The following WDPCP variants were observed in gnomAD, a reference collection of about 807,000 sequenced individuals.
WDPCP encodes WD repeat containing planar cell polarity effector, also known as WD repeat-containing and planar cell polarity effector protein fritz homolog.
In WDPCP, 71 loss-of-function variants were observed where a neutral mutation model predicts 93.1. The ratio of observed to expected loss-of-function variants is 0.76; its 90% CI spans 0.63 to 0.93. The LOEUF is 0.93. Among genes scored for constraint, WDPCP ranks in the 40% least tolerant of loss-of-function variants. WDPCP has a pLI of 0.00. For synonymous variants in WDPCP, 315 were observed against 315.0 expected (o/e 1.00, Z 0.00); for missense variants, 844 against 887.4 (o/e 0.95, Z 0.62).
chr2:63,459,289 A>AT (rs1485213694), intron 6 of WDPCP, among the ~76,000 whole-genome samples: 1 of 152,192 alleles, frequency 6.6e-6, no homozygotes, highest in African/African-American at 2.4e-5. Flanking sequence ...AACCTCTTGT[A>AT]TAGGAGAAAA....
intron 1 of WDPCP, among the ~76,000 whole-genome samples, chr2:63,520,896 CAA>C (rs3051721): frequency 0.22 from 22,443 of 100,052 alleles, 1,926 homozygotes; most frequent in Non-Finnish European, 0.26. Flanking sequence ...GACCCTATCT[CAA>C]AAAAAAAAAA....
rs750924240 is a variant in WDPCP at position 63,487,462 on chromosome 2, T to C, written c.193A>G (p.Lys65Glu). The C allele has an allele frequency of 5.6e-6, 9 of 1,593,062 alleles. No individual in the cohort carries two copies. The East Asian group carries it at 1.8e-4, about 32-fold the overall frequency. Reference sequence around the variant, plus strand: ...GGTACTTTACCTGGTGGATCTTTCTTGTCATAATACTGGTAGATCCCAATG... The same window carrying C: ...GGTACTTTACCTGGTGGATCTTTCTCGTCATAATACTGGTAGATCCCAATG... ...RDIGIYQYYD[K>E]KDPPATEHGN... The change falls in exon 3 of 18, where the codon AAG (lysine) becomes GAG (glutamate). Residue 65 changes from lysine (K) to glutamate (E), a missense_variant. Physicochemically the swap from Lys to Glu is moderately conservative, Grantham distance 56. Coordinates refer to ENST00000272321, the MANE Select transcript of WDPCP (RefSeq NM_015910.7).
intron 3 of WDPCP, among the ~76,000 whole-genome samples, chr2:63,612,991 A>C (rs1709630623): frequency 1.3e-5 from 2 of 149,428 alleles, no homozygotes; most frequent in Admixed American, 1.3e-4. Flanking sequence ...GCCTCAAGTG[A>C]CACCTTCCAG....
chr2:63,258,130 TA>T (rs1219544390), intron 14 of WDPCP, among the ~76,000 whole-genome samples: 1 of 152,174 alleles, frequency 6.6e-6, no homozygotes, highest in Non-Finnish European at 1.5e-5. Flanking sequence ...CAATAAATAT[TA>T]AGTGCTATTA....
intron 2 of WDPCP, among the ~76,000 whole-genome samples, chr2:63,769,421 T>C (rs1670192757): frequency 6.6e-6 from 1 of 151,746 alleles, no homozygotes; most frequent in African/African-American, 2.4e-5. Flanking sequence ...TTGTATGGAG[T>C]TAAAGTAGCA....
intron 2 of WDPCP, among the ~76,000 whole-genome samples, chr2:63,808,612 G>A (rs1356441051): frequency 2.6e-5 from 4 of 152,354 alleles, no homozygotes; most frequent in South Asian, 4.1e-4. Flanking sequence ...CCGAGGTGCC[G>A]GGATTGCAGA....
intron 14 of WDPCP, among the ~76,000 whole-genome samples, chr2:63,225,978 T>C (rs749132475): frequency 4.0e-5 from 6 of 151,860 alleles, no homozygotes; most frequent in Non-Finnish European, 8.8e-5. Context: ...TATGTGTGTG[T>C]TCACTTAGTC....
intron 2 of WDPCP, among the ~76,000 whole-genome samples, chr2:63,787,220 A>G (rs1404328103): frequency 6.6e-6 from 1 of 152,226 alleles, no homozygotes; most frequent in African/African-American, 2.4e-5. Flanking sequence ...AGAATCTAGA[A>G]GGACAGAGTG....
chr2:63,486,894 C>T (rs1036953002), intron 3 of WDPCP, among the ~76,000 whole-genome samples: 1 of 151,958 alleles, frequency 6.6e-6, no homozygotes, highest in African/African-American at 2.4e-5. Flanking sequence ...ACAGAAGCTG[C>T]TTCAGTCTGT....
intron 3 of WDPCP, among the ~76,000 whole-genome samples, chr2:63,630,618 T>C (rs1232731735): frequency 1.3e-5 from 2 of 151,240 alleles, no homozygotes; most frequent in Non-Finnish European, 3.0e-5. Context: ...AGATGCAAAA[T>C]ATGTGAAGCA....
intron 14 of WDPCP, among the ~76,000 whole-genome samples, chr2:63,199,678 G>C (rs1182990469): frequency 6.6e-6 from 1 of 152,232 alleles, no homozygotes; most frequent in Non-Finnish European, 1.5e-5. Flanking sequence ...TCTGCTGCAG[G>C]GGCAGGACCC....
At chr2:63,513,388 G>C (rs1042464939) in intron 1 of WDPCP, among the ~76,000 whole-genome samples, 2 of 152,082 alleles carry the variant, frequency 1.3e-5, no homozygotes, top group African/African-American at 4.8e-5. Context: ...GATGAGTGCT[G>C]AAGTAGGGGT....
chr2:63,487,354 A>G (rs1016976556), intron 3 of WDPCP, 93 bp downstream of exon 3: 10 of 902,518 alleles, frequency 1.1e-5, no homozygotes, highest in Non-Finnish European at 1.7e-5. Flanking sequence ...GAATTTATCT[A>G]AAGCTCATGA....
At chr2:63,544,049 T>TAGC (rs1323456987) in intron 1 of WDPCP, among the ~76,000 whole-genome samples, 4 of 152,160 alleles carry the variant, frequency 2.6e-5, no homozygotes, top group African/African-American at 9.6e-5. Context: ...GGTCCCCATT[T>TAGC]AAATCCCAGA....
At chr2:63,480,772 C>G (rs1361218240) in intron 6 of WDPCP, among the ~76,000 whole-genome samples, 1 of 152,130 alleles carries the variant, frequency 6.6e-6, no homozygotes, top group Non-Finnish European at 1.5e-5. Flanking sequence ...AGACCTGAAA[C>G]TATAAAAATT....
chr2:63,485,069 T>C, intron 4 of WDPCP, 82 bp from the exon 5 acceptor site: 1 of 1,477,138 alleles, frequency 6.8e-7, no homozygotes, highest in Non-Finnish European at 9.4e-7. Context: ...TTAGGGAGAT[T>C]AAAATAAAAC....
chr2:63,574,798 T>G (rs1293321505), intron 1 of WDPCP, among the ~76,000 whole-genome samples: 1 of 152,158 alleles, frequency 6.6e-6, no homozygotes, highest in Non-Finnish European at 1.5e-5. Context: ...GAGAGAAAAG[T>G]TGTAGAAAAC....
At chr2:63,809,200 G>A (rs372920241) in intron 2 of WDPCP, among the ~76,000 whole-genome samples, 60 of 151,744 alleles carry the variant, frequency 4.0e-4, no homozygotes, top group East Asian at 1.8e-3. Flanking sequence ...CGCCCCGCCC[G>A]GGAGGTGAGG....
intron 15 of WDPCP, among the ~76,000 whole-genome samples, chr2:63,165,734 T>C (rs755941490): frequency 4.6e-5 from 7 of 151,286 alleles, no homozygotes; most frequent in Non-Finnish European, 5.9e-5. Flanking sequence ...TTCATTTGCA[T>C]AGAAATTTGC....
Sources: gnomAD v4.1 joint callset for allele counts (sites outside exome capture counted in the v4.1 genomes callset) on GRCh38, gnomAD v4.1.1 for gene constraint, MANE v1.5 for transcripts, NCBI Gene and HGNC (gene_info 2026-07-23, HGNC 2026-07-21) for gene names.